BANP: variants seen among roughly 807,000 people sequenced by gnomAD.
BANP encodes the protein BTG3 associated nuclear protein, also known as protein BANP.
In BANP, 11 loss-of-function variants were observed where a neutral mutation model predicts 68.1. The ratio of observed to expected loss-of-function variants is 0.16; its 90% confidence interval spans 0.10 to 0.27. BANP has a LOEUF of 0.27. Ranked by LOEUF, BANP falls within the 10% of genes least tolerant of loss-of-function variation. The pLI is 1.00. For synonymous variants in BANP, 329 were observed against 303.2 expected, an observed-to-expected ratio of 1.09 and a Z score of -0.88; for missense variants, 504 against 722.7, an observed-to-expected ratio of 0.70 and a Z score of 3.47.
chr16:88,067,924 C>G (rs192639376), intron 12 of BANP, among the ~76,000 whole-genome samples: 1 of 152,222 alleles, frequency 6.6e-6, no homozygotes, highest in East Asian at 1.9e-4. Flanking sequence ...GGGGCCTCCC[C>G]GTAGCATCCA....
chr16:88,028,962 C>A (rs1367046762), intron 8 of BANP, among the ~76,000 whole-genome samples: 1 of 152,128 alleles, frequency 6.6e-6, no homozygotes, highest in Non-Finnish European at 1.5e-5. Flanking sequence ...TGTAGTTTCT[C>A]AGTTATTTCC....
chr16:87,977,851 A>T (rs1598013946), intron 2 of BANP, among the ~76,000 whole-genome samples: 1 of 151,650 alleles, frequency 6.6e-6, no homozygotes, highest in East Asian at 1.9e-4. Context: ...ATCTTTATTT[A>T]TTTAAGACAG....
At chr16:88,073,013 G>A (rs1478241207) in intron 13 of BANP, among the ~76,000 whole-genome samples, 1 of 152,228 alleles carries the variant, frequency 6.6e-6, no homozygotes, top group Admixed American at 6.5e-5. Context: ...ATCCACCTGT[G>A]TCTTGATGCC....
intron 1 of BANP, chr16:87,966,624 G>T (rs1377368211): frequency 6.6e-6 from 1 of 152,200 alleles, no homozygotes; most frequent in Non-Finnish European, 1.5e-5. Flanking sequence ...GGATTTTATG[G>T]TGAGTTCAGA....
Position 88,064,210 on chromosome 16 carries a change from G to T in BANP, c.1312-1057G>T, listed in dbSNP as rs970578472. 1.3e-5 allele frequency among the ~76,000 whole-genome samples: 2 copies of T among 152,140 alleles called. No homozygotes were observed. The highest frequency in any genetic ancestry group is 2.1e-4 in the South Asian group (1 of 4,804). On this transcript the variant is annotated intron_variant, in intron 11 of 13. Transcript: ENST00000682872. This position sits in a 1 kb window ranked among gnomAD's most constrained non-coding sequence, Gnocchi z 4.5. Reference sequence around the variant, plus strand: ...GGCTTGAGAGGCGCAGGGGAGCAGGGGGGGAGAGTGGACAGCGAGGCGGTG... The same window carrying T: ...GGCTTGAGAGGCGCAGGGGAGCAGGTGGGGAGAGTGGACAGCGAGGCGGTG...
At chr16:88,021,741 G>A (rs1360140975) in intron 7 of BANP, among the ~76,000 whole-genome samples, 2 of 152,204 alleles carry the variant, frequency 1.3e-5, no homozygotes, top group African/African-American at 4.8e-5. Context: ...TGGCCGCATT[G>A]CCCCACCTTA....
At chr16:88,033,540 G>C (rs1290753513) in intron 9 of BANP, among the ~76,000 whole-genome samples, 2 of 152,240 alleles carry the variant, frequency 1.3e-5, no homozygotes, top group South Asian at 2.1e-4. Flanking sequence ...CCAAGGGTCA[G>C]GCCGTGCGGT....
At chr16:87,955,206 G>C (rs2057799223) in intron 1 of BANP, among the ~76,000 whole-genome samples, 1 of 152,198 alleles carries the variant, frequency 6.6e-6, no homozygotes, top group Non-Finnish European at 1.5e-5. Flanking sequence ...GTCACTGGGA[G>C]GTTGTGTGTA....
chr16:88,050,548 T>C (rs113726946), intron 11 of BANP, among the ~76,000 whole-genome samples: 3,003 of 152,282 alleles, frequency 0.02, 99 homozygotes, highest in African/African-American at 0.068. Context: ...GCGGCCTAAG[T>C]GGCGTTGCAG....
At chr16:88,040,102 C>A (rs2080377147) in intron 11 of BANP, among the ~76,000 whole-genome samples, 1 of 152,172 alleles carries the variant, frequency 6.6e-6, no homozygotes, top group South Asian at 2.1e-4. Flanking sequence ...GGTGCTGCCA[C>A]TCAGGGTAGC....
In BANP at chr16:87,970,133, C is replaced by T. The variant is rs972701809; in HGVS notation, c.-68-4915C>T. On this transcript the variant is annotated intron_variant, in intron 1 of 13. Coordinates refer to ENST00000682872, the MANE Select transcript of BANP (RefSeq NM_001386991.1). ...ACATTGGCCAGGCTGACAGGTGATC[C>T]ACCCGCCTTGGCCTTCCAAAGTGCT... The T allele has an allele frequency of 5.3e-5, 8 of 152,226 alleles. 1 individual carries two copies. In the South Asian group the frequency reaches 1.2e-3, roughly 24 times the overall value. The allele number at this position is 152,226 out of a possible 1,614,324, so 9.4% of individuals were successfully genotyped here.
chr16:88,055,980 C>A (rs946927991), intron 11 of BANP, among the ~76,000 whole-genome samples: 1 of 152,008 alleles, frequency 6.6e-6, no homozygotes, highest in Non-Finnish European at 1.5e-5. Context: ...TCCCAAGAAA[C>A]CCCCTGGGAA....
chr16:88,024,917 A>G (rs1413117651), intron 7 of BANP, among the ~76,000 whole-genome samples: 11 of 152,202 alleles, frequency 7.2e-5, no homozygotes. Flanking sequence ...GTTTTCACCC[A>G]TTTCTCTTAC....
chr16:88,019,588 C>CAGCGTGCGGGG (rs1555589432), intron 7 of BANP, among the ~76,000 whole-genome samples: 1 of 7,690 alleles, frequency 1.3e-4, no homozygotes, highest in Non-Finnish European at 2.9e-4. Flanking sequence ...TCCGGGATCT[C>CAGCGTGCGGGG]GGCGTGCGGG....
intron 12 of BANP, among the ~76,000 whole-genome samples, chr16:88,070,515 GCCCGAGGCTGGTC>G (rs1020555154): frequency 1.4e-4 from 22 of 152,288 alleles, no homozygotes; most frequent in African/African-American, 3.4e-4. Flanking sequence ...TCAGCTATTC[GCCCGAGGCTGGTC>G]CCCGAGGCTG....
chr16:87,984,280 CG>C (rs748191141), intron 4 of BANP, 21 bp downstream of exon 4: 36 of 1,552,214 alleles, frequency 2.3e-5, no homozygotes, highest in Middle Eastern at 3.4e-4. Context: ...ACCAGGGTGC[CG>C]GGGCCTTCAG....
intron 12 of BANP, 72 bp downstream of exon 12, chr16:88,065,404 G>A (rs1022224575): frequency 7.7e-5 from 53 of 683,898 alleles, no homozygotes; most frequent in South Asian, 2.3e-4. Context: ...AAAGACCCCC[G>A]CGATGACACT....
chr16:88,031,096 G>T (rs148778418), intron 8 of BANP, among the ~76,000 whole-genome samples: 7,332 of 152,324 alleles, frequency 0.048, 200 homozygotes, highest in African/African-American at 0.071. Flanking sequence ...TCGAGGACCT[G>T]TGGTGGTGAG....
intron 6 of BANP, among the ~76,000 whole-genome samples, chr16:88,012,846 C>T (rs761413621): frequency 2.0e-5 from 3 of 151,680 alleles, no homozygotes; most frequent in Non-Finnish European, 2.9e-5. Context: ...TATAGACGGC[C>T]TAAGAAAAAA....
Sources: gnomAD v4.1 joint callset for allele counts (sites outside exome capture counted in the v4.1 genomes callset) on GRCh38, gnomAD v4.1.1 for gene constraint, Gnocchi (gnomAD v3.1) non-coding constraint, MANE v1.5 for transcripts, NCBI Gene and HGNC (gene_info 2026-07-23, HGNC 2026-07-21) for gene names.